The following SEC23A variants were observed in gnomAD, a reference collection of about 807,000 sequenced individuals.
SEC23A encodes the protein SEC23 homolog A, COPII component, also known as protein transport protein Sec23A.
A neutral mutation model predicts 103.7 loss-of-function variants in SEC23A; 56 were observed. The ratio of observed to expected loss-of-function variants is 0.54; its 90% CI spans 0.44 to 0.67. SEC23A has a LOEUF of 0.67. Among genes scored for constraint, SEC23A ranks in the 30% least tolerant of loss-of-function variants. The pLI is 0.00. For synonymous variants in SEC23A, 281 were observed against 293.0 expected (o/e 0.96, Z 0.42); for missense variants, 784 against 936.4 (o/e 0.84, Z 2.12).
intron 5 of SEC23A, 130 bp from the exon 6 acceptor site, chr14:39,087,138 C>T: frequency 1.5e-6 from 1 of 672,972 alleles, no homozygotes; most frequent in South Asian, 1.6e-5. Context: ...TCTCCTTCCT[C>T]AGAAAACAAA....
chr14:39,054,004 G>A (rs1886157470), intron 14 of SEC23A, among the ~76,000 whole-genome samples: 1 of 152,144 alleles, frequency 6.6e-6, no homozygotes, highest in Admixed American at 6.5e-5. Context: ...TATGGTGATG[G>A]TGGCTCATGC....
At chr14:39,039,158 A>G in intron 18 of SEC23A, 62 bp from the exon 19 acceptor site, 1 of 1,291,058 alleles carries the variant, frequency 7.7e-7, no homozygotes, top group Non-Finnish European at 1.1e-6. Flanking sequence ...TATCAGCTGA[A>G]TAATTATATC....
At chr14:39,093,153 C>T (rs1361381411) in intron 3 of SEC23A, 34 bp downstream of exon 3, 4 of 1,595,618 alleles carry the variant, frequency 2.5e-6, no homozygotes, top group Non-Finnish European at 3.4e-6. Flanking sequence ...AGGCATGAGC[C>T]ACTGCGCCCG....
At chr14:39,067,464 T>C (rs553152309) in intron 9 of SEC23A, among the ~76,000 whole-genome samples, 168 bp from the exon 10 acceptor site, 22 of 152,130 alleles carry the variant, frequency 1.4e-4, no homozygotes, top group Non-Finnish European at 2.6e-4. Flanking sequence ...GAGAATATCC[T>C]CACCCCACAA....
chr14:39,058,885 T>G (rs896469694), intron 13 of SEC23A, among the ~76,000 whole-genome samples: 3 of 152,224 alleles, frequency 2.0e-5, no homozygotes, highest in Non-Finnish European at 2.9e-5. Flanking sequence ...GAATCAATAC[T>G]TTCTAAACTT....
intron 19 of SEC23A, among the ~76,000 whole-genome samples, chr14:39,034,338 G>A (rs1322775614): frequency 6.6e-6 from 1 of 152,180 alleles, no homozygotes; most frequent in African/African-American, 2.4e-5. Flanking sequence ...ACAAGTTGTT[G>A]TAATGATTAA....
chr14:39,087,100 T>A (rs1274860285), intron 5 of SEC23A, 92 bp from the exon 6 acceptor site: 2 of 793,436 alleles, frequency 2.5e-6, no homozygotes, highest in East Asian at 2.6e-5. Context: ...TGCTAGACAT[T>A]AGAAACACAA....
At chr14:39,060,659 A>G (rs1356811758) in intron 13 of SEC23A, among the ~76,000 whole-genome samples, 3 of 152,212 alleles carry the variant, frequency 2.0e-5, no homozygotes, top group African/African-American at 7.2e-5. Context: ...TTTATACTTC[A>G]CAAATACACA....
At chr14:39,070,767 C>T (rs1886815400) in intron 9 of SEC23A, among the ~76,000 whole-genome samples, 1 of 152,150 alleles carries the variant, frequency 6.6e-6, no homozygotes, top group Non-Finnish European at 1.5e-5. Context: ...TAGCTCATGC[C>T]TATAATCCCA....
chr14:39,068,236 T>G (rs1886738953), intron 9 of SEC23A, among the ~76,000 whole-genome samples: 1 of 152,152 alleles, frequency 6.6e-6, no homozygotes, highest in East Asian at 1.9e-4. Flanking sequence ...CAGCAACATA[T>G]TATGTTGGTG....
chr14:39,092,909 G>A (rs1887709874), intron 3 of SEC23A: 2 of 492,414 alleles, frequency 4.1e-6, no homozygotes. Flanking sequence ...TGTTGCCCAG[G>A]CTGGAGTAGA....
Position 39,048,685 on chromosome 14 carries a change from G to A in SEC23A, c.1704C>T (p.Phe568=), listed in dbSNP as rs775729543. 1 of 1,594,808 alleles carries A rather than the reference G, an allele frequency of 6.3e-7. No individual in the cohort carries two copies. Among genetic ancestry groups the A allele is most frequent in the Admixed American group, 1.7e-5 (1 of 59,978 alleles). The change falls in exon 15 of 20, where the codon TTC becomes TTT. Residue 568 remains phenylalanine, a synonymous_variant. Coordinates refer to ENST00000307712, the MANE Select transcript of SEC23A (RefSeq NM_006364.4). ...AAAGGGAGAAAGTTTCTGAAAATCT[G>A]AAGGAACTTGGGTCATCTTTATGAT... The part of the protein sequence containing the change: ...GEYHKDDPSS[F]RFSETFSLYP...
At position 39,094,395 on chromosome 14, in the gene SEC23A, CACATATATATATAT is replaced by C. The variant is rs1252298218; in HGVS notation, c.222-1165_222-1152del. ...ATATACACACACACACACACACACA[CACATATATATATAT>C]ATATATATATATATATATATATATA... On this transcript the variant is annotated intron_variant, in intron 2 of 19. Coordinates refer to ENST00000307712, the MANE Select transcript of SEC23A (RefSeq NM_006364.4). 9.5e-3 allele frequency among the ~76,000 whole-genome samples: 105 copies of C among 11,108 alleles called. 12 individuals are homozygous for C. Among genetic ancestry groups the C allele is most frequent in the Non-Finnish European group, 0.02 (84 of 4,278 alleles). The allele number at this position is 11,108 out of a possible 152,430, so 7.3% of individuals were successfully genotyped here.
Position 39,064,797 on chromosome 14 carries a change from C to A in SEC23A, c.1308+116G>T. 3.7e-6 allele frequency: 3 copies of A among 800,100 alleles called. No homozygotes were observed. The East Asian group carries it at 7.4e-5, about 20-fold the overall frequency. 49.6% of individuals were successfully genotyped at this position (800,100 alleles called of 1,614,324 possible). A position where few individuals can be genotyped will look rare whatever the true frequency, so the allele number is the denominator to read the frequency against. On this transcript the variant is annotated intron_variant, in intron 11 of 19. Coordinates refer to ENST00000307712, the MANE Select transcript of SEC23A (RefSeq NM_006364.4). ...GTCTCTCTATGTTGCCTGAGCTGGT[C>A]TCTAACTCCTGGGCTTAAGCAATCC...
In SEC23A at chr14:39,047,534, G is replaced by C. The variant is rs1466808886; in HGVS notation, c.1737+1118C>G. The C allele has an allele frequency of 7.1e-6, 3 of 425,042 alleles. No individual in the cohort carries two copies. In the Admixed American group the frequency reaches 1.4e-4, roughly 20 times the overall value. 26.3% of individuals were successfully genotyped at this position (425,042 alleles called of 1,614,324 possible). A position where few individuals can be genotyped will look rare whatever the true frequency, so the allele number is the denominator to read the frequency against. ...ACAAAAAAAAAAACAGAGCAGCTCT[G>C]AAAAAGAAAGCTGATGCTTTAAACA... On this transcript the variant is annotated intron_variant, in intron 15 of 19. Coordinates refer to ENST00000307712, the MANE Select transcript of SEC23A (RefSeq NM_006364.4).
At chr14:39,092,221 C>CCTGGGGGTCTA (rs1271254695) in intron 4 of SEC23A, among the ~76,000 whole-genome samples, 2 of 152,202 alleles carry the variant, frequency 1.3e-5, no homozygotes, top group Admixed American at 1.3e-4. Flanking sequence ...CTGGGGGATA[C>CCTGGGGGTCTA]ATTAGCCAAC....
chr14:39,039,668 C>T (rs1392274341), intron 18 of SEC23A: 1 of 153,206 alleles, frequency 6.5e-6, no homozygotes, highest in African/African-American at 2.4e-5. Context: ...AATGGAAGCA[C>T]ATAGACAGTA....
intron 7 of SEC23A, among the ~76,000 whole-genome samples, chr14:39,077,089 A>C (rs544375067): frequency 6.6e-6 from 1 of 151,692 alleles, no homozygotes; most frequent in Non-Finnish European, 1.5e-5. Flanking sequence ...TTAGCTGGGC[A>C]TGGTGGCACA....
chr14:39,097,233 G>A (rs746700525), intron 1 of SEC23A, among the ~76,000 whole-genome samples: 9 of 152,156 alleles, frequency 5.9e-5, no homozygotes, highest in African/African-American at 1.2e-4. Context: ...GTAGGATGCC[G>A]GCTTTCCTAC....
Sources: gnomAD v4.1 joint callset for allele counts (sites outside exome capture counted in the v4.1 genomes callset) on GRCh38, gnomAD v4.1.1 for gene constraint, MANE v1.5 for transcripts, NCBI Gene and HGNC (gene_info 2026-07-23, HGNC 2026-07-21) for gene names.